The following ECT2 variants were observed in gnomAD, a reference collection of about 807,000 sequenced individuals.
ECT2 encodes protein ECT2.
A neutral mutation model predicts 116.9 loss-of-function variants in ECT2; 61 were observed. The ratio of observed to expected loss-of-function variants is 0.52; its 90% CI spans 0.42 to 0.65. The LOEUF is 0.65. Ranked by LOEUF, ECT2 falls within the 30% of genes least tolerant of loss-of-function variation. The pLI is 0.00. For synonymous variants in ECT2, 358 were observed against 346.4 expected, an observed-to-expected ratio of 1.03 and a Z score of -0.37; for missense variants, 937 against 1,078.7, an observed-to-expected ratio of 0.87 and a Z score of 1.84.
intron 18 of ECT2, among the ~76,000 whole-genome samples, chr3:172,793,872 T>C (rs1353203682): frequency 6.6e-6 from 1 of 152,238 alleles, no homozygotes; most frequent in Non-Finnish European, 1.5e-5. Flanking sequence ...TTTCATGTGA[T>C]TATTTGCTGT....
At chr3:172,753,409 G>A (rs375747085) in intron 1 of ECT2, among the ~76,000 whole-genome samples, 7 of 152,242 alleles carry the variant, frequency 4.6e-5, no homozygotes, top group African/African-American at 1.7e-4. Context: ...ATGAAAACTT[G>A]TTAAACCTTT....
intron 16 of ECT2, 38 bp downstream of exon 16, chr3:172,783,947 A>G (rs770564984): frequency 1.1e-5 from 15 of 1,368,160 alleles, no homozygotes; most frequent in Non-Finnish European, 4.1e-6. Context: ...TTTGAGAATT[A>G]TTTCTGAAGT....
intron 21 of ECT2, chr3:172,806,216 T>A (rs1727664393): frequency 5.9e-6 from 1 of 168,960 alleles, no homozygotes; most frequent in African/African-American, 2.4e-5. Flanking sequence ...ATAACCAGTC[T>A]GTTACCTGCA....
At chr3:172,755,212 A>G (rs1261491058) in intron 2 of ECT2, 83 bp from the exon 3 acceptor site, 12 of 1,005,576 alleles carry the variant, frequency 1.2e-5, no homozygotes, top group Non-Finnish European at 1.7e-5. Flanking sequence ...AATACATACT[A>G]GATATAGCCA....
intron 18 of ECT2, among the ~76,000 whole-genome samples, chr3:172,797,018 C>CTCTGTGTGTGTGTG (rs3220403): frequency 1.4e-5 from 2 of 139,032 alleles, no homozygotes; most frequent in Admixed American, 7.3e-5. Context: ...TCAGGTTCAA[C>CTCTGTGTGTGTGTG]TGTGTGTGTG....
At chr3:172,776,289 T>C (rs751325306) in intron 14 of ECT2, among the ~76,000 whole-genome samples, 1 of 151,150 alleles carries the variant, frequency 6.6e-6, no homozygotes, top group Non-Finnish European at 1.5e-5. Context: ...TTTAGCTGAT[T>C]GCAGGTTTGT....
At chr3:172,783,271 A>G (rs1231471074) in intron 15 of ECT2, among the ~76,000 whole-genome samples, 1 of 152,144 alleles carries the variant, frequency 6.6e-6, no homozygotes, top group African/African-American at 2.4e-5. Flanking sequence ...CTTTCCTTAC[A>G]AAATAATCTC....
intron 22 of ECT2, among the ~76,000 whole-genome samples, chr3:172,810,126 G>T (rs1350081992): frequency 6.6e-6 from 1 of 152,108 alleles, no homozygotes. Context: ...AGGCCATTAT[G>T]ATTTCTGACC....
chr3:172,794,958 C>CA (rs1725344235), intron 18 of ECT2, among the ~76,000 whole-genome samples: 1 of 152,086 alleles, frequency 6.6e-6, no homozygotes, highest in Non-Finnish European at 1.5e-5. Context: ...ATGATCCACC[C>CA]ACCTTGGCCT....
At chr3:172,805,930 A>G (rs974351562) in intron 21 of ECT2, 61 bp downstream of exon 21, 1 of 1,539,186 alleles carries the variant, frequency 6.5e-7, no homozygotes. Context: ...TGTAGGTTTA[A>G]TTTACTCCAT....
chr3:172,754,689 C>T, intron 2 of ECT2, 29 bp downstream of exon 2: 1 of 1,519,666 alleles, frequency 6.6e-7, no homozygotes, highest in Non-Finnish European at 8.9e-7. Context: ...TTAAAACAAT[C>T]AATTTCTATT....
rs974124112 is a variant in ECT2, at chr3:172,762,537, G to A, written c.880G>A (p.Glu294Lys). Reference protein sequence around the residue: ...EEKTNMEEMTEMQGGKYLPLG... With the variant: ...EEKTNMEEMTKMQGGKYLPLG... ...GAAAACCAATATGGAAGAAATGACT[G>A]AAATGCAAGGTAAAATTTAGCATAA... is the stretch of plus-strand genomic sequence containing the variant. The change falls in exon 9 of 25, where the codon GAA becomes AAA. Residue 294 changes from glutamate (E) to lysine (K), a missense_variant. Coordinates refer to ENST00000392692, the MANE Select transcript of ECT2 (RefSeq NM_001258315.2). The A allele has an allele frequency of 1.3e-6, 2 of 1,590,626 alleles. No homozygotes were observed. The highest frequency in any genetic ancestry group is 2.3e-5 in the South Asian group (2 of 87,190).
intron 11 of ECT2, among the ~76,000 whole-genome samples, chr3:172,763,202 G>A (rs1043904774): frequency 4.6e-5 from 7 of 152,284 alleles, no homozygotes; most frequent in Non-Finnish European, 1.0e-4. Context: ...ATAACATTAC[G>A]AACAAGAACA....
At chr3:172,770,491 A>G (rs1720411315) in intron 13 of ECT2, among the ~76,000 whole-genome samples, 1 of 152,174 alleles carries the variant, frequency 6.6e-6, no homozygotes, top group South Asian at 2.1e-4. Context: ...AATTCATGAT[A>G]GTATTCTCTC....
At chr3:172,826,867 A>G in the ECT2 span, among the ~76,000 whole-genome samples, 1 of 152,244 alleles carries the variant, frequency 6.6e-6, no homozygotes. Flanking sequence ...ACAGTCACAG[A>G]ATGGAAAAAT....
intron 22 of ECT2, among the ~76,000 whole-genome samples, chr3:172,811,066 TAAATAA>T (rs1242442239): frequency 4.6e-5 from 7 of 152,172 alleles, no homozygotes; most frequent in African/African-American, 1.4e-4. Context: ...AACTTAAAAG[TAAATAA>T]AAATAAAAAT....
intron 18 of ECT2, among the ~76,000 whole-genome samples, chr3:172,797,495 G>C (rs1386097506): frequency 2.0e-5 from 3 of 152,130 alleles, no homozygotes; most frequent in African/African-American, 7.2e-5. Context: ...TAACTCTGCT[G>C]TTATATCCTG....
intron 18 of ECT2, among the ~76,000 whole-genome samples, chr3:172,796,727 T>C (rs1267820273): frequency 6.6e-6 from 1 of 152,178 alleles, no homozygotes; most frequent in Non-Finnish European, 1.5e-5. Context: ...AGTGCATTGG[T>C]GTGATCTCAG....
intron 5 of ECT2, 81 bp from the exon 6 acceptor site, chr3:172,758,899 G>A: frequency 1.7e-6 from 2 of 1,210,658 alleles, no homozygotes; most frequent in Non-Finnish European, 2.4e-6. Flanking sequence ...GAGGGGAAAT[G>A]AAATATATTT....
Sources: gnomAD v4.1 joint callset for allele counts (sites outside exome capture counted in the v4.1 genomes callset) on GRCh38, gnomAD v4.1.1 for gene constraint, MANE v1.5 for transcripts, NCBI Gene and HGNC (gene_info 2026-07-23, HGNC 2026-07-21) for gene names.